GRIP1: variants seen among roughly 807,000 people sequenced by gnomAD.
GRIP1 encodes the protein glutamate receptor interacting protein 1, also known as glutamate receptor-interacting protein 1.
A neutral mutation model predicts 129.9 loss-of-function variants in GRIP1; 45 were observed. The observed-to-expected ratio is 0.35, with a 90% CI of 0.27 to 0.44. The LOEUF (loss-of-function observed/expected upper bound fraction) is 0.44, where lower values mean the gene tolerates loss of function less well. Ranked by LOEUF, GRIP1 falls within the 20% of genes least tolerant of loss-of-function variation. GRIP1 has a pLI of 1.00. For missense variants in GRIP1, 1,196 were observed against 1,396.8 expected (o/e 0.86, Z 2.29); for synonymous variants, 530 against 520.8 (o/e 1.02, Z -0.24).
chr12:66,830,491 C>G (rs925053727), intron 1 of GRIP1, among the ~76,000 whole-genome samples: 1 of 152,022 alleles, frequency 6.6e-6, no homozygotes, highest in African/African-American at 2.4e-5. Flanking sequence ...ATGCAGGCAG[C>G]CTGGAAAAGC....
At chr12:66,986,866 T>TAAAATA (rs912663980) in intron 1 of GRIP1, among the ~76,000 whole-genome samples, 1 of 48,446 alleles carries the variant, frequency 2.1e-5, no homozygotes, top group Non-Finnish European at 3.8e-5. Flanking sequence ...TTTAAAAAAA[T>TAAAATA]AAAATAAAAA....
At chr12:66,861,596 G>A (rs941495328) in intron 1 of GRIP1, among the ~76,000 whole-genome samples, 6 of 152,034 alleles carry the variant, frequency 3.9e-5, no homozygotes, top group Non-Finnish European at 7.4e-5. Flanking sequence ...TGGCCATGGA[G>A]AACAAAGAAC....
At chr12:66,863,693 G>A (rs920361925) in intron 1 of GRIP1, among the ~76,000 whole-genome samples, 5 of 152,106 alleles carry the variant, frequency 3.3e-5, no homozygotes, top group Non-Finnish European at 5.9e-5. Context: ...GAGAGCAGAA[G>A]ATGCAGTGGG....
chr12:66,602,761 G>A (rs1254530582), intron 1 of GRIP1, among the ~76,000 whole-genome samples: 1 of 147,240 alleles, frequency 6.8e-6, no homozygotes, highest in Non-Finnish European at 1.5e-5. Context: ...TGGCATTAAT[G>A]TCTATCCTTG....
intron 1 of GRIP1, among the ~76,000 whole-genome samples, chr12:66,641,521 C>T (rs1416799339): frequency 2.0e-5 from 3 of 152,170 alleles, no homozygotes; most frequent in Non-Finnish European, 4.4e-5. Context: ...ATCCTCTTTG[C>T]CGTTTTTCTA....
intron 1 of GRIP1, among the ~76,000 whole-genome samples, chr12:67,009,563 T>G (rs999452040): frequency 9.2e-5 from 14 of 152,176 alleles, no homozygotes; most frequent in African/African-American, 2.7e-4. Flanking sequence ...ACACCTGCAG[T>G]CCATGCTGAA....
intron 2 of GRIP1, among the ~76,000 whole-genome samples, chr12:66,586,440 A>G (rs1470268300): frequency 6.6e-6 from 1 of 152,054 alleles, no homozygotes; most frequent in Non-Finnish European, 1.5e-5. Flanking sequence ...GAGGCTTAGT[A>G]TGCCCCAGTT....
At chr12:66,526,186 T>C (rs976531044) in intron 5 of GRIP1, among the ~76,000 whole-genome samples, 8 of 150,316 alleles carry the variant, frequency 5.3e-5, no homozygotes, top group South Asian at 2.1e-4. Flanking sequence ...TACTTTAAAG[T>C]TCATATGGAA....
In GRIP1 at chr12:66,392,436, T is replaced by A. The variant is rs2056626432; in HGVS notation, c.2336A>T (p.Glu779Val). The change falls in exon 19 of 25, where the codon GAG (glutamate) becomes GTG (valine). Residue 779 changes from glutamate to valine, a missense_variant. This residue lies in a region of GRIP1 where 427 missense variants were observed against 463.3 expected (regional missense o/e 0.92). Coordinates refer to ENST00000359742, the MANE Select transcript of GRIP1 (RefSeq NM_001366722.1). ...SSHLSDLGDV[E>V]EDSSPAQKPG... is the part of the protein sequence containing the mutation. Reference sequence around the variant, plus strand: ...CTTCTGTGCTGGTGAGGAGTCCTCCTCCACATCCCCCAGGTCACTCAAATG... The same window carrying A: ...CTTCTGTGCTGGTGAGGAGTCCTCCACCACATCCCCCAGGTCACTCAAATG... 2 of 1,613,952 alleles carry A rather than the reference T, an allele frequency of 1.2e-6. No individual in the cohort carries two copies. The highest frequency in any genetic ancestry group is 2.2e-5 in the South Asian group (2 of 91,070).
At chr12:66,901,741 C>T (rs140251291) in intron 1 of GRIP1, among the ~76,000 whole-genome samples, 4 of 152,186 alleles carry the variant, frequency 2.6e-5, no homozygotes, top group South Asian at 2.1e-4. Context: ...GTCTCATATC[C>T]GGTCTGAGGG....
At chr12:66,648,318 C>G (rs2032530246) in intron 1 of GRIP1, among the ~76,000 whole-genome samples, 1 of 152,228 alleles carries the variant, frequency 6.6e-6, no homozygotes, top group Non-Finnish European at 1.5e-5. Context: ...TTCTCCCTTC[C>G]TCATCCTTTA....
At chr12:66,458,689 T>C (rs968279513) in intron 9 of GRIP1, among the ~76,000 whole-genome samples, 3 of 152,198 alleles carry the variant, frequency 2.0e-5, no homozygotes, top group Non-Finnish European at 4.4e-5. Context: ...CGGGCCTGAA[T>C]AGCTAACTAT....
intron 1 of GRIP1, among the ~76,000 whole-genome samples, chr12:66,730,511 C>T (rs945451209): frequency 1.3e-5 from 2 of 151,946 alleles, no homozygotes; most frequent in Non-Finnish European, 1.5e-5. Context: ...CCTGAGTTTA[C>T]AAGAATTATA....
chr12:66,705,622 A>G (rs1403146822), intron 1 of GRIP1, among the ~76,000 whole-genome samples: 1 of 152,178 alleles, frequency 6.6e-6, no homozygotes, highest in Admixed American at 6.6e-5. Flanking sequence ...AAAAGAACAA[A>G]GCTGGAGGCA....
At chr12:66,505,563 C>T (rs951784086) in intron 7 of GRIP1, among the ~76,000 whole-genome samples, 1 of 152,090 alleles carries the variant, frequency 6.6e-6, no homozygotes, top group Non-Finnish European at 1.5e-5. Flanking sequence ...TGGCATTTTG[C>T]TACAATGTAA....
intron 1 of GRIP1, among the ~76,000 whole-genome samples, chr12:66,609,263 C>T (rs2064686557): frequency 6.6e-6 from 1 of 152,038 alleles, no homozygotes; most frequent in South Asian, 2.1e-4. Flanking sequence ...GTTTGCACAA[C>T]ACACAATCAT....
At chr12:66,616,286 G>T (rs907411472) in intron 1 of GRIP1, among the ~76,000 whole-genome samples, 2 of 151,948 alleles carry the variant, frequency 1.3e-5, no homozygotes, top group African/African-American at 2.4e-5. Flanking sequence ...CTGAAATGGT[G>T]TTACTAAAAT....
At chr12:66,523,884 C>T (rs932730238) in intron 5 of GRIP1, among the ~76,000 whole-genome samples, 1 of 152,166 alleles carries the variant, frequency 6.6e-6, no homozygotes, top group African/African-American at 2.4e-5. Context: ...CAATCCTAGT[C>T]TCTGATTAAA....
At chr12:66,611,986 G>C (rs1451443068) in intron 1 of GRIP1, among the ~76,000 whole-genome samples, 1 of 152,032 alleles carries the variant, frequency 6.6e-6, no homozygotes, top group Non-Finnish European at 1.5e-5. Flanking sequence ...TTTGAAACTT[G>C]GTTCCTCCAT....
Sources: gnomAD v4.1 joint callset for allele counts (sites outside exome capture counted in the v4.1 genomes callset) on GRCh38, gnomAD v4.1.1 for gene constraint, gnomAD v4.1.1 regional missense constraint, MANE v1.5 for transcripts, NCBI Gene and HGNC (gene_info 2026-07-23, HGNC 2026-07-21) for gene names.